The following NUP107 variants were observed in gnomAD, a reference collection of about 807,000 sequenced individuals.
The protein encoded by NUP107 is nucleoporin 107, also known as nuclear pore complex protein Nup107.
NUP107 carries 101 observed loss-of-function variants against 141.0 expected under a neutral mutation model. The ratio of observed to expected loss-of-function variants is 0.72; its 90% CI spans 0.61 to 0.84. The LOEUF is 0.84. Among genes scored for constraint, NUP107 ranks in the 40% least tolerant of loss-of-function variants. The pLI is 0.00. For missense variants in NUP107, 941 were observed against 1,102.7 expected, an observed-to-expected ratio of 0.85 and a Z score of 2.08; for synonymous variants, 319 against 363.9, an observed-to-expected ratio of 0.88 and a Z score of 1.41.
intron 7 of NUP107, among the ~76,000 whole-genome samples, chr12:68,701,346 A>G (rs945912627): frequency 1.3e-5 from 2 of 152,236 alleles, no homozygotes; most frequent in Non-Finnish European, 2.9e-5. Flanking sequence ...AATGAATTAC[A>G]GCAGCTCTGT....
intron 8 of NUP107, chr12:68,705,834 G>A (rs775856970): frequency 1.9e-5 from 15 of 772,066 alleles, no homozygotes; most frequent in Non-Finnish European, 3.1e-5. Flanking sequence ...CCCCAGTCAC[G>A]GTCAACCAGA....
Position 68,735,946 on chromosome 12 carries a change from A to G in NUP107, c.2502+602A>G, listed in dbSNP as rs112447997. Among the ~76,000 whole-genome samples, 587 of 152,314 alleles carry G rather than the reference A, an allele frequency of 3.9e-3. 5 individuals are homozygous for G. The highest frequency in any genetic ancestry group is 0.013 in the African/African-American group (556 of 41,570). ...AAAAGATTGTTTTCACCTGAAAGGG[A>G]ACTGGAACGTATGCTTGAAATGTAT... On this transcript the variant is annotated intron_variant, in intron 26 of 27. Coordinates refer to ENST00000229179, the MANE Select transcript of NUP107 (RefSeq NM_020401.4).
intron 14 of NUP107, among the ~76,000 whole-genome samples, chr12:68,720,287 AT>A (rs2136030996): frequency 6.6e-6 from 1 of 152,330 alleles, no homozygotes; most frequent in East Asian, 1.9e-4. Context: ...AAATACTACA[AT>A]AAATATGGCA....
At chr12:68,738,695 G>A (rs768966381) in intron 26 of NUP107, among the ~76,000 whole-genome samples, 1 of 152,160 alleles carries the variant, frequency 6.6e-6, no homozygotes, top group African/African-American at 2.4e-5. Flanking sequence ...TGGTGGCACA[G>A]AGGAATGGCA....
At chr12:68,712,321 A>G (rs1876892576) in intron 10 of NUP107, among the ~76,000 whole-genome samples, 1 of 151,522 alleles carries the variant, frequency 6.6e-6, no homozygotes, top group Admixed American at 6.6e-5. Context: ...CATCTCTACT[A>G]AAAATACAAA....
chr12:68,713,117 A>T (rs1876940375), intron 10 of NUP107, among the ~76,000 whole-genome samples: 1 of 152,082 alleles, frequency 6.6e-6, no homozygotes, highest in African/African-American at 2.4e-5. Context: ...TCACACCTGT[A>T]ATCCTAGCAC....
At position 68,744,673 on chromosome 12, in the gene NUP107, T is replaced by C. The variant is rs1247877487; in HGVS notation, c.*2211T>C. On this transcript the variant is annotated 3_prime_UTR_variant, in exon 28 of 28. Transcript: ENST00000229179. ...TGCTGGGATTACAGGCATAAGCCAC[T>C]GCACCCAGCCAATTGGACTCCTTTG... 1 of 152,316 alleles carries C rather than the reference T, an allele frequency of 6.6e-6. No homozygotes were observed. The highest frequency in any genetic ancestry group is 1.5e-5 in the Non-Finnish European group (1 of 68,102). 9.4% of individuals were successfully genotyped at this position (152,316 alleles called of 1,614,324 possible). A position where few individuals can be genotyped will look rare whatever the true frequency, so the allele number is the denominator to read the frequency against.
intron 26 of NUP107, among the ~76,000 whole-genome samples, 190 bp downstream of exon 26, chr12:68,735,534 T>C (rs1231610228): frequency 5.3e-5 from 8 of 152,220 alleles, no homozygotes; most frequent in African/African-American, 1.9e-4. Flanking sequence ...GATAAACTAT[T>C]AGTTCACATT....
chr12:68,716,719 G>GT (rs1565695957), intron 12 of NUP107, among the ~76,000 whole-genome samples: 2 of 152,138 alleles, frequency 1.3e-5, no homozygotes, highest in African/African-American at 4.8e-5. Context: ...TAATTGGACA[G>GT]TTTACCAGAT....
intron 27 of NUP107, among the ~76,000 whole-genome samples, 162 bp downstream of exon 27, chr12:68,742,142 G>A (rs1242341960): frequency 6.6e-6 from 1 of 152,154 alleles, no homozygotes; most frequent in Non-Finnish European, 1.5e-5. Flanking sequence ...TTCCCAAAAT[G>A]TGTGTATATT....
intron 8 of NUP107, chr12:68,706,669 A>G: frequency 1.4e-6 from 1 of 730,196 alleles, no homozygotes; most frequent in Non-Finnish European, 2.6e-6. Flanking sequence ...CTGGCAGTTA[A>G]GGATGCCAAC....
chr12:68,727,258 TATTAA>T, intron 19 of NUP107, 88 bp from the exon 20 acceptor site: 1 of 649,160 alleles, frequency 1.5e-6, no homozygotes, highest in African/African-American at 1.8e-5. Flanking sequence ...ACATTACAAT[TATTAA>T]ATTATTTAAT....
intron 10 of NUP107, among the ~76,000 whole-genome samples, chr12:68,710,789 GTAAT>G (rs1876816331): frequency 6.6e-6 from 1 of 151,972 alleles, no homozygotes; most frequent in South Asian, 2.1e-4. Flanking sequence ...GGTATTCTAA[GTAAT>G]CGAGATGATA....
intron 1 of NUP107, among the ~76,000 whole-genome samples, chr12:68,688,512 T>TTTG (rs943487778): frequency 1.3e-5 from 2 of 152,122 alleles, no homozygotes; most frequent in South Asian, 2.1e-4. Flanking sequence ...GCAAGCTCTG[T>TTTG]TTGTTGTTGT....
chr12:68,705,215 G>A (rs1230627374), intron 8 of NUP107, among the ~76,000 whole-genome samples: 1 of 152,142 alleles, frequency 6.6e-6, no homozygotes, highest in East Asian at 1.9e-4. Flanking sequence ...TAGGAAGACT[G>A]TCATATTTGG....
intron 10 of NUP107, among the ~76,000 whole-genome samples, chr12:68,712,497 G>A (rs905583046): frequency 4.7e-5 from 7 of 150,230 alleles, no homozygotes; most frequent in African/African-American, 1.7e-4. Flanking sequence ...AAGTCTGTAA[G>A]TCAATTATAT....
At chr12:68,705,766 A>C in intron 8 of NUP107, 2 of 734,114 alleles carry the variant, frequency 2.7e-6, no homozygotes, top group Non-Finnish European at 5.0e-6. Flanking sequence ...GGGCAGCAGC[A>C]GTTTCCGGGG....
intron 17 of NUP107, among the ~76,000 whole-genome samples, chr12:68,723,401 C>G (rs977848440): frequency 3.3e-5 from 5 of 151,810 alleles, no homozygotes; most frequent in African/African-American, 4.8e-5. Context: ...GGCCCTGTCT[C>G]AAAGAAAAAA....
At position 68,734,765 on chromosome 12, in the gene NUP107, C is replaced by A; in HGVS notation, c.2320C>A (p.Pro774Thr). 1 of 1,613,328 alleles carries A rather than the reference C, an allele frequency of 6.2e-7. No homozygotes were observed. Among genetic ancestry groups the A allele is most frequent in the Non-Finnish European group, 8.5e-7 (1 of 1,179,610 alleles). ...GCATATGAATTCAGTTCCACAAAAA[C>A]CTGCTTTGATACCTCAACCAACTTT... is the stretch of plus-strand genomic sequence containing the variant. ...FKHMNSVPQK[P>T]ALIPQPTFTE... is the part of the protein sequence containing the mutation. Residue 774 changes from proline (P) to threonine (T), a missense_variant, in exon 25 of 28, where the codon CCT (proline) becomes ACT (threonine). Transcript: ENST00000229179.
Sources: gnomAD v4.1 joint callset for allele counts (sites outside exome capture counted in the v4.1 genomes callset) on GRCh38, gnomAD v4.1.1 for gene constraint, MANE v1.5 for transcripts, NCBI Gene and HGNC (gene_info 2026-07-23, HGNC 2026-07-21) for gene names.